RASAL2: variants seen among roughly 807,000 people sequenced by gnomAD.
RASAL2 encodes ras GTPase-activating protein nGAP.
Under a neutral mutation model 128.9 loss-of-function variants are expected in RASAL2, and 58 were observed. The ratio of observed to expected loss-of-function variants is 0.45; its 90% CI spans 0.36 to 0.56. The LOEUF is 0.56. Among genes scored for constraint, RASAL2 ranks in the 20% least tolerant of loss-of-function variants. The pLI, the probability that RASAL2 is intolerant of heterozygous loss-of-function variation, is 0.00. For missense variants in RASAL2, 1,360 were observed against 1,601.6 expected (o/e 0.85, Z 2.57); for synonymous variants, 561 against 580.8 (o/e 0.97, Z 0.49).
chr1:178,318,716 C>T (rs1039641297), intron 3 of RASAL2, among the ~76,000 whole-genome samples: 29 of 147,978 alleles, frequency 2.0e-4, no homozygotes, highest in African/African-American at 6.4e-4. Flanking sequence ...TTCCTGAATA[C>T]AGCACACTGA....
At chr1:178,373,215 A>G (rs1324206156) in intron 3 of RASAL2, among the ~76,000 whole-genome samples, 2 of 121,794 alleles carry the variant, frequency 1.6e-5, no homozygotes, top group South Asian at 5.6e-4. Flanking sequence ...AATCTTTCTT[A>G]TAGTTAGCAT....
intron 3 of RASAL2, among the ~76,000 whole-genome samples, chr1:178,379,350 G>T (rs970121484): frequency 2.0e-5 from 3 of 150,566 alleles, no homozygotes; most frequent in Non-Finnish European, 4.4e-5. Context: ...TTTACTGGGA[G>T]TGACAGAGCA....
chr1:178,213,853 T>C (rs1434591190), intron 1 of RASAL2, among the ~76,000 whole-genome samples: 1 of 151,204 alleles, frequency 6.6e-6, no homozygotes, highest in Non-Finnish European at 1.5e-5. Context: ...ACATGAGAAC[T>C]CACTGAACTT....
At chr1:178,112,383 C>T (rs1385191378) in intron 1 of RASAL2, among the ~76,000 whole-genome samples, 1 of 151,908 alleles carries the variant, frequency 6.6e-6, no homozygotes. Context: ...AACCCCGTCT[C>T]TACTAAAAAT....
intron 5 of RASAL2, among the ~76,000 whole-genome samples, chr1:178,432,205 C>A (rs1298748783): frequency 1.3e-5 from 2 of 152,026 alleles, no homozygotes; most frequent in Non-Finnish European, 2.9e-5. Flanking sequence ...GTTGTCACCC[C>A]TTCACAATCA....
At chr1:178,303,826 T>G (rs1283279414) in intron 3 of RASAL2, among the ~76,000 whole-genome samples, 1 of 152,140 alleles carries the variant, frequency 6.6e-6, no homozygotes, top group Non-Finnish European at 1.5e-5. Context: ...AAGAGTTCAC[T>G]GAGGAACAGA....
intron 16 of RASAL2, among the ~76,000 whole-genome samples, chr1:178,466,984 G>C (rs541796559): frequency 6.6e-6 from 1 of 152,224 alleles, no homozygotes. Context: ...CAAGGGAAGA[G>C]AAAGTGGGCC....
At chr1:178,435,172 T>G (rs1676175764) in intron 5 of RASAL2, among the ~76,000 whole-genome samples, 3 of 151,910 alleles carry the variant, frequency 2.0e-5, no homozygotes, top group African/African-American at 7.3e-5. Flanking sequence ...GAGTCCAGGA[T>G]TTTATGTGGC....
At chr1:178,279,890 T>C (rs983177090) in intron 1 of RASAL2, among the ~76,000 whole-genome samples, 1 of 152,174 alleles carries the variant, frequency 6.6e-6, no homozygotes, top group Non-Finnish European at 1.5e-5. Context: ...AATGTGACTT[T>C]TTTGATATTA....
intron 1 of RASAL2, among the ~76,000 whole-genome samples, chr1:178,159,175 A>T (rs1205120046): frequency 1.3e-5 from 2 of 152,202 alleles, no homozygotes; most frequent in Non-Finnish European, 2.9e-5. Context: ...TTCAAACTTA[A>T]TTGTGCAAAT....
chr1:178,209,121 G>C (rs757848081), intron 1 of RASAL2, among the ~76,000 whole-genome samples: 3 of 151,460 alleles, frequency 2.0e-5, no homozygotes, highest in Non-Finnish European at 4.4e-5. Context: ...ATGATATCAA[G>C]TGCTCTTATA....
intron 7 of RASAL2, 56 bp from the exon 8 acceptor site, chr1:178,442,619 A>G (rs1270411331): frequency 1.4e-6 from 2 of 1,464,808 alleles, no homozygotes; most frequent in African/African-American, 1.4e-5. Context: ...TAAGAAAAAA[A>G]TGTTTTTTTT....
chr1:178,178,521 T>G (rs1241361374), intron 1 of RASAL2, among the ~76,000 whole-genome samples: 1 of 152,164 alleles, frequency 6.6e-6, no homozygotes, highest in Non-Finnish European at 1.5e-5. Flanking sequence ...AGTTGAGGGA[T>G]TTTGCTCAAA....
At chr1:178,263,097 A>T (rs1270082476) in intron 1 of RASAL2, among the ~76,000 whole-genome samples, 1 of 152,152 alleles carries the variant, frequency 6.6e-6, no homozygotes, top group East Asian at 1.9e-4. Flanking sequence ...TCCTCAGAAT[A>T]TTTCCAAGGA....
intron 3 of RASAL2, among the ~76,000 whole-genome samples, chr1:178,365,847 CA>C (rs1446187278): frequency 3.1e-4 from 47 of 152,066 alleles, no homozygotes; most frequent in African/African-American, 1.1e-3. Context: ...TCCGTAAGTT[CA>C]ATAGTAATCC....
At chr1:178,254,888 C>T (rs966925397) in intron 1 of RASAL2, among the ~76,000 whole-genome samples, 2 of 151,860 alleles carry the variant, frequency 1.3e-5, no homozygotes, top group African/African-American at 4.8e-5. Flanking sequence ...TACTGTCAGT[C>T]AAGTACAAGG....
At chr1:178,122,271 C>T (rs1482204994) in intron 1 of RASAL2, among the ~76,000 whole-genome samples, 1 of 152,024 alleles carries the variant, frequency 6.6e-6, no homozygotes, top group African/African-American at 2.4e-5. Context: ...CTGTTTTTGT[C>T]TGGTGTAAGA....
intron 3 of RASAL2, among the ~76,000 whole-genome samples, chr1:178,306,017 A>T (rs960244678): frequency 6.6e-6 from 1 of 152,248 alleles, no homozygotes; most frequent in African/African-American, 2.4e-5. Flanking sequence ...TTTACTTCTT[A>T]TTGACAAGAG....
intron 1 of RASAL2, among the ~76,000 whole-genome samples, chr1:178,116,528 A>G (rs1323899051): frequency 6.6e-6 from 1 of 151,780 alleles, no homozygotes; most frequent in African/African-American, 2.4e-5. Flanking sequence ...ATTATTAAAC[A>G]TTACTTTTTT....
Sources: gnomAD v4.1 joint callset for allele counts (sites outside exome capture counted in the v4.1 genomes callset) on GRCh38, gnomAD v4.1.1 for gene constraint, MANE v1.5 for transcripts, NCBI Gene and HGNC (gene_info 2026-07-23, HGNC 2026-07-21) for gene names.